UNC13B: variants seen among roughly 807,000 people sequenced by gnomAD.
The protein encoded by UNC13B is protein unc-13 homolog B.
Under a neutral mutation model 211.0 loss-of-function variants are expected in UNC13B, and 144 were observed. The observed-to-expected ratio is 0.68, with a 90% CI of 0.60 to 0.78. The LOEUF (loss-of-function observed/expected upper bound fraction) is 0.78, where lower values mean the gene tolerates loss of function less well. Among genes scored for constraint, UNC13B ranks in the 30% least tolerant of loss-of-function variants. The probability of loss-of-function intolerance (pLI) is 0.00; values close to 1 mark genes in which losing one functional copy is unlikely to be tolerated. For missense variants in UNC13B, 1,777 were observed against 2,002.0 expected (o/e 0.89, Z 2.14); for synonymous variants, 709 against 725.8 (o/e 0.98, Z 0.37).
intron 1 of UNC13B, among the ~76,000 whole-genome samples, chr9:35,177,048 C>T (rs1160831296): frequency 6.6e-6 from 1 of 152,102 alleles, no homozygotes; most frequent in African/African-American, 2.4e-5. Context: ...CCTCGGCCTC[C>T]CAAAGTGCTA....
At chr9:35,361,047 A>G (rs10814231) in intron 11 of UNC13B, 28,444 of 152,178 alleles carry the variant, frequency 0.19, 3,046 homozygotes, top group South Asian at 0.29. Context: ...TCATATACCT[A>G]TCTTTTTATA....
rs1286403311 is a variant in UNC13B at position 35,399,143 on chromosome 9, T to G, written c.12075-18T>G. Reference sequence around the variant, plus strand: ...CTCAAACTCTCACCCTGGTCTCACCTGTTGCCTGGACTTGCAGCCTCACCC... The same window carrying G: ...CTCAAACTCTCACCCTGGTCTCACCGGTTGCCTGGACTTGCAGCCTCACCC... On this transcript the variant is annotated intron_variant, in intron 33 of 39. Coordinates refer to ENST00000635942, the MANE Select transcript of UNC13B (RefSeq NM_001371189.2). 1 of 1,614,082 alleles carries G rather than the reference T, an allele frequency of 6.2e-7. No homozygotes were observed. Among genetic ancestry groups the G allele is most frequent in the African/African-American group, 1.3e-5 (1 of 74,920 alleles).
intron 26 of UNC13B, 111 bp downstream of exon 26, chr9:35,390,825 G>A: frequency 1.2e-5 from 13 of 1,092,126 alleles, no homozygotes; most frequent in Non-Finnish European, 1.7e-5. Context: ...GGTATAGTGA[G>A]AAACTAAAGG....
intron 1 of UNC13B, among the ~76,000 whole-genome samples, chr9:35,202,842 G>T (rs905660723): frequency 6.6e-6 from 1 of 151,078 alleles, no homozygotes; most frequent in Non-Finnish European, 1.5e-5. Context: ...ACCCAGGGTG[G>T]AGTGCAGTGG....
At position 35,178,495 on chromosome 9, in the gene UNC13B, C is replaced by CA. The variant is rs796411064; in HGVS notation, c.22+16201dup. On this transcript the variant is annotated intron_variant, in intron 1 of 39. Transcript: ENST00000635942. ...TGGAGGACAGAGTGAGACCCTGTTT[C>CA]AAAAAAAAAAAGAACAAACAAAAAA... Among the ~76,000 whole-genome samples, 179 of 134,978 alleles carry CA rather than the reference C, an allele frequency of 1.3e-3. 2 individuals carry two copies. Among genetic ancestry groups the CA allele is most frequent in the Middle Eastern group, 4.2e-3 (1 of 236 alleles). The allele number at this position is 134,978 out of a possible 152,430, so 88.6% of individuals were successfully genotyped here. A position where few individuals can be genotyped will look rare whatever the true frequency, so the allele number is the denominator to read the frequency against.
At chr9:35,222,256 A>T (rs1203679173) in intron 1 of UNC13B, among the ~76,000 whole-genome samples, 1 of 152,162 alleles carries the variant, frequency 6.6e-6, no homozygotes, top group Admixed American at 6.5e-5. Context: ...GAAAATTGTC[A>T]TTTTAACAAT....
chr9:35,218,962 T>C (rs1824415818), intron 1 of UNC13B, among the ~76,000 whole-genome samples: 2 of 152,068 alleles, frequency 1.3e-5, no homozygotes, highest in South Asian at 4.1e-4. Flanking sequence ...TTGGTCAGGC[T>C]GGCCTTGAAC....
At chr9:35,189,411 A>G (rs1471149158) in intron 1 of UNC13B, among the ~76,000 whole-genome samples, 1 of 152,234 alleles carries the variant, frequency 6.6e-6, no homozygotes, top group Non-Finnish European at 1.5e-5. Context: ...AAAGCAGGCA[A>G]TTTGGAACAT....
chr9:35,275,448 C>T (rs996933170), intron 7 of UNC13B, among the ~76,000 whole-genome samples: 3 of 152,136 alleles, frequency 2.0e-5, no homozygotes, highest in Non-Finnish European at 2.9e-5. Flanking sequence ...TATTCCCCAG[C>T]CACTTGGGTC....
chr9:35,396,739 C>A, intron 27 of UNC13B, 102 bp from the exon 28 acceptor site: 8 of 1,597,950 alleles, frequency 5.0e-6, no homozygotes, highest in Non-Finnish European at 6.9e-6. Context: ...AAGTGTTAAA[C>A]TGTGCCCTGC....
intron 1 of UNC13B, among the ~76,000 whole-genome samples, chr9:35,178,572 T>G (rs924904863): frequency 6.6e-6 from 1 of 151,746 alleles, no homozygotes; most frequent in Non-Finnish European, 1.5e-5. Context: ...TCATTGATTG[T>G]AAGATTCATT....
chr9:35,184,209 G>A (rs551131525), intron 1 of UNC13B, among the ~76,000 whole-genome samples: 243 of 151,486 alleles, frequency 1.6e-3, no homozygotes, highest in African/African-American at 5.5e-3. Context: ...GGGCAGAGGC[G>A]CTCCTCACTT....
At chr9:35,172,134 C>G (rs1821366482) in intron 1 of UNC13B, among the ~76,000 whole-genome samples, 1 of 151,210 alleles carries the variant, frequency 6.6e-6, no homozygotes, top group African/African-American at 2.4e-5. Context: ...CTCCGCCTCC[C>G]AAAGTGCTGA....
rs892375122 is a variant in UNC13B at position 35,306,289 on chromosome 9, C to T, written c.6885C>T (p.Ser2295=). 1 of 398,910 alleles carries T rather than the reference C, an allele frequency of 2.5e-6. No individual in the cohort carries two copies. The highest frequency in any genetic ancestry group is 2.1e-5 in the African/African-American group (1 of 48,616). 24.7% of individuals were successfully genotyped at this position (398,910 alleles called of 1,614,324 possible). A position where few individuals can be genotyped will look rare whatever the true frequency, so the allele number is the denominator to read the frequency against. The change falls in exon 9 of 40, where the codon TCC becomes TCT. Residue 2295 remains serine, a synonymous_variant. Coordinates refer to ENST00000635942, the MANE Select transcript of UNC13B (RefSeq NM_001371189.2). ...ISINNTIEVT[S]LADELSVDKD... ...TTAACAACACCATTGAGGTTACCTC[C>T]CTTGCAGATGAGCTCAGTGTAGACA...
At position 35,292,473 on chromosome 9, in the gene UNC13B, T is replaced by C. The variant is rs1228296973; in HGVS notation, c.527-3223T>C. ...GCTTTTATCCAAATTCTAGAAGATA[T>C]TTCCCTTCTGCCTCCAATCTTCACC... is the stretch of plus-strand genomic sequence containing the variant. On this transcript the variant is annotated intron_variant, in intron 7 of 39. Coordinates refer to ENST00000635942, the MANE Select transcript of UNC13B (RefSeq NM_001371189.2). Among the ~76,000 whole-genome samples, 3 of 152,216 alleles carry C rather than the reference T, an allele frequency of 2.0e-5. No individual in the cohort carries two copies. In the South Asian group the frequency reaches 6.2e-4, roughly 31 times the overall value.
chr9:35,205,300 A>T (rs940826083), intron 1 of UNC13B, among the ~76,000 whole-genome samples: 1 of 152,164 alleles, frequency 6.6e-6, no homozygotes, highest in African/African-American at 2.4e-5. Flanking sequence ...GCAATACAAG[A>T]ACAGACTAAT....
intron 26 of UNC13B, among the ~76,000 whole-genome samples, chr9:35,394,099 C>G (rs990283152): frequency 6.6e-6 from 1 of 151,928 alleles, no homozygotes; most frequent in Non-Finnish European, 1.5e-5. Context: ...TGGATAGATT[C>G]CAGAGACATT....
chr9:35,168,912 A>G (rs1358388596), intron 1 of UNC13B, among the ~76,000 whole-genome samples: 1 of 151,980 alleles, frequency 6.6e-6, no homozygotes, highest in African/African-American at 2.4e-5. Flanking sequence ...GGCTCAAGCA[A>G]TCTGCCTGTC....
At chr9:35,313,135 C>T (rs1400683914) in intron 10 of UNC13B, among the ~76,000 whole-genome samples, 1 of 152,150 alleles carries the variant, frequency 6.6e-6, no homozygotes, top group East Asian at 1.9e-4. Context: ...CGTATTGACT[C>T]AGGGCTCTCG....
Sources: gnomAD v4.1 joint callset for allele counts (sites outside exome capture counted in the v4.1 genomes callset) on GRCh38, gnomAD v4.1.1 for gene constraint, MANE v1.5 for transcripts, NCBI Gene and HGNC (gene_info 2026-07-23, HGNC 2026-07-21) for gene names.